The following UBR2 variants were observed in gnomAD, a reference collection of about 807,000 sequenced individuals.
The protein encoded by UBR2 is ubiquitin protein ligase E3 component n-recognin 2.
In UBR2, 92 loss-of-function variants were observed where a neutral mutation model predicts 247.9. The observed-to-expected ratio is 0.37, with a 90% CI of 0.31 to 0.44. The LOEUF (loss-of-function observed/expected upper bound fraction) is 0.44. UBR2 is among the 20% of genes least tolerant of loss of function. The pLI is 1.00. For missense variants in UBR2, 1,613 were observed against 2,112.6 expected, an observed-to-expected ratio of 0.76 and a Z score of 4.64; for synonymous variants, 672 against 693.5, an observed-to-expected ratio of 0.97 and a Z score of 0.49.
Position 42,659,671 on chromosome 6 carries a change from T to A in UBR2, c.3258T>A (p.Asp1086Glu), listed in dbSNP as rs370173010. 4 of 1,613,724 alleles carry A rather than the reference T, an allele frequency of 2.5e-6. No homozygotes were observed. The African/African-American group carries it at 5.3e-5, about 22-fold the overall frequency. ...AVLDHSPVAS[D>E]MTLTALGPAQ... ...TGTATTGCAGCCCTGTGGCTTCAGA[T>A]ATGACACTTACAGCACTGGGCCCCG... Residue 1086 changes from aspartate (D) to glutamate (E), a missense_variant, in exon 30 of 47, where the codon GAT (aspartate) becomes GAA (glutamate). Asp to Glu is a conservative substitution (Grantham distance 45). Around this residue, in one of 3 missense-constraint regions of UBR2, gnomAD observed 1,524 missense variants for 1,967.3 expected, o/e 0.77. Transcript: ENST00000372901. This position sits in a 1 kb window ranked among gnomAD's most constrained non-coding sequence, Gnocchi z 4.3.
intron 11 of UBR2, 29 bp downstream of exon 11, chr6:42,617,536 C>A (rs1387670175): frequency 2.6e-6 from 4 of 1,543,860 alleles, no homozygotes; most frequent in Middle Eastern, 1.7e-4. Context: ...GAAGAACTTT[C>A]TTGTTTTCCA....
Position 42,689,257 on chromosome 6 carries a change from G to A in UBR2, c.5025-312G>A, listed in dbSNP as rs144986326. 6.2e-4 allele frequency among the ~76,000 whole-genome samples: 95 copies of A among 152,256 alleles called. No individual in the cohort carries two copies. In the East Asian group the frequency reaches 0.017, roughly 28 times the overall value. On this transcript the variant is annotated intron_variant, in intron 45 of 46. Transcript: ENST00000372901. This position sits in a 1 kb window ranked among gnomAD's most constrained non-coding sequence, Gnocchi z 4.0. ...GAGTGTGGGCTCCTCTGGAGCATAG[G>A]TTGTATCCATAGCTTAGTCATCCCC...
chr6:42,652,300 GAT>G (rs2151967110), intron 24 of UBR2, among the ~76,000 whole-genome samples, 189 bp from the exon 25 acceptor site: 1 of 152,302 alleles, frequency 6.6e-6, no homozygotes, highest in South Asian at 2.1e-4. Context: ...TAGGGGAAAA[GAT>G]AGACTTTCTT....
chr6:42,616,153 C>T, intron 10 of UBR2, 63 bp downstream of exon 10: 1 of 1,142,578 alleles, frequency 8.8e-7, no homozygotes, highest in Non-Finnish European at 1.2e-6. Flanking sequence ...ATAATTATAT[C>T]TAGGCTTCAA....
In UBR2 at chr6:42,637,088, A is replaced by G; in HGVS notation, c.1752A>G (p.Glu584=). 6.2e-7 allele frequency: 1 copy of G among 1,614,180 alleles called. No individual in the cohort carries two copies. The change falls in exon 15 of 47, where the codon GAA becomes GAG. Residue 584 remains glutamate (E), a synonymous_variant. Transcript: ENST00000372901. ...MQCHGGYTDG[E]QPITLSICGH... The stretch of plus-strand genomic sequence containing the variant: ...GTCATGGTGGTTATACTGATGGTGA[A>G]CAGCCAATCACACTAAGCATTTGTG...
intron 2 of UBR2, among the ~76,000 whole-genome samples, chr6:42,587,952 GT>G (rs1486521765): frequency 3.3e-5 from 5 of 152,010 alleles, no homozygotes; most frequent in Non-Finnish European, 7.4e-5. Flanking sequence ...AGGTATGTGG[GT>G]TTTTTTACCC....
chr6:42,658,116 A>C lies in UBR2; in HGVS notation c.2965A>C (p.Ile989Leu). ...APYLEVHKDM[I>L]RWILKTFNAV... ...CTACCTAGAAGTCCACAAAGACATG[A>C]TTCGGTGGATATTGAAGGTAAAATT... The change falls in exon 27 of 47, where the codon ATT (isoleucine) becomes CTT (leucine). Residue 989 changes from isoleucine (I) to leucine (L), a missense_variant. Ile to Leu is a conservative substitution (Grantham distance 5). Around this residue, in one of 3 missense-constraint regions of UBR2, gnomAD observed 1,524 missense variants for 1,967.3 expected, o/e 0.77. Transcript: ENST00000372901. The C allele has an allele frequency of 6.2e-7, 1 of 1,614,050 alleles. No homozygotes were observed. The highest frequency in any genetic ancestry group is 8.5e-7 in the Non-Finnish European group (1 of 1,179,940).
intron 36 of UBR2, among the ~76,000 whole-genome samples, chr6:42,671,268 G>A (rs151079912): frequency 1.1e-4 from 17 of 152,038 alleles, no homozygotes; most frequent in Middle Eastern, 3.4e-3. Context: ...GGCTAGGAGT[G>A]GTGGCGTGGC....
chr6:42,687,001 G>A (rs1459690140), intron 44 of UBR2, among the ~76,000 whole-genome samples: 10 of 152,046 alleles, frequency 6.6e-5, no homozygotes, highest in African/African-American at 9.6e-5. Context: ...CTTCCTAGAC[G>A]GGATGACGGC....
chr6:42,595,500 C>T (rs949124337), intron 4 of UBR2, among the ~76,000 whole-genome samples: 1 of 152,146 alleles, frequency 6.6e-6, no homozygotes, highest in African/African-American at 2.4e-5. Context: ...AATACCAATA[C>T]TTTGGGAAGC....
chr6:42,603,575 T>C lies in UBR2; in HGVS notation c.532-13T>C. ...TTTTTTTCTTTTTCTTTTTTTTCTG[T>C]TGTTTCTTTCAGGATCCTCTTGTTC... is the stretch of plus-strand genomic sequence containing the variant. On this transcript the variant is annotated splice_polypyrimidine_tract_variant and intron_variant, in intron 4 of 46. Transcript: ENST00000372901. 1.3e-6 allele frequency: 2 copies of C among 1,546,010 alleles called. No homozygotes were observed. Among genetic ancestry groups the C allele is most frequent in the Non-Finnish European group, 1.7e-6 (2 of 1,159,194 alleles).
intron 23 of UBR2, among the ~76,000 whole-genome samples, chr6:42,651,027 G>T (rs1320052567): frequency 6.6e-6 from 1 of 152,028 alleles, no homozygotes; most frequent in Non-Finnish European, 1.5e-5. Context: ...TTCGAGATCA[G>T]CCTGGCCAAC....
chr6:42,635,686 C>T, intron 14 of UBR2, 140 bp downstream of exon 14: 1 of 1,017,364 alleles, frequency 9.8e-7, no homozygotes, highest in South Asian at 2.7e-5. Context: ...CCTTCTCCAC[C>T]TATAAACTCA....
rs762436980 is a variant in UBR2, at chr6:42,644,198, T to TAA, written c.2098-3_2098-2dup. 7.2e-4 allele frequency: 1,013 copies of TAA among 1,404,014 alleles called. No homozygotes were observed. The highest frequency in any genetic ancestry group is 2.1e-3 in the Admixed American group (93 of 45,194). The allele number at this position is 1,404,014 out of a possible 1,614,324, so 87.0% of individuals were successfully genotyped here. A position where few individuals can be genotyped will look rare whatever the true frequency, so the allele number is the denominator to read the frequency against. On this transcript the variant is annotated splice_polypyrimidine_tract_variant and intron_variant, in intron 18 of 46. Transcript: ENST00000372901. ...TCCTCTTTTCCTTTATCTCAAACATTAAAAAAAAAAAAAAGACAGGTGTCT... is the reference window on the plus strand; with the variant it reads ...TCCTCTTTTCCTTTATCTCAAACATTAAAAAAAAAAAAAAAAGACAGGTGTCT...
At chr6:42,685,488 C>T (rs1170461777) in intron 44 of UBR2, among the ~76,000 whole-genome samples, 1 of 143,546 alleles carries the variant, frequency 7.0e-6, no homozygotes, top group African/African-American at 2.6e-5. Context: ...TTTTTTGAGA[C>T]GAGTCTCGCT....
chr6:42,653,624 T>G (rs1411242173), intron 25 of UBR2, among the ~76,000 whole-genome samples: 4 of 139,590 alleles, frequency 2.9e-5, no homozygotes, highest in African/African-American at 1.1e-4. Context: ...TTTTTTTTTT[T>G]TTTTTTTTTT....
At chr6:42,641,057 T>TA (rs1796417038) in intron 16 of UBR2, among the ~76,000 whole-genome samples, 1 of 152,156 alleles carries the variant, frequency 6.6e-6, no homozygotes, top group Admixed American at 6.5e-5. Flanking sequence ...TAATCATGTG[T>TA]AAAAAATACC....
rs1799281397 is a variant in UBR2 at position 42,684,816 on chromosome 6, T to C, written c.4798T>C (p.Leu1600=). The C allele has an allele frequency of 1.1e-5, 18 of 1,610,046 alleles. No homozygotes were observed. The highest frequency in any genetic ancestry group is 1.4e-5 in the Non-Finnish European group (17 of 1,178,276). ...AIRYPRESNK[L]INLPEDYSSL... is the part of the protein sequence containing the mutation. ...CAGATATCCAAGAGAATCTAACAAA[T>C]TAATAAACCTTCCAGAGGATTACAG... The change falls in exon 44 of 47, where the codon TTA becomes CTA. Residue 1600 remains leucine (L), a synonymous_variant. Coordinates refer to ENST00000372901, the MANE Select transcript of UBR2 (RefSeq NM_001363705.2).
intron 13 of UBR2, chr6:42,634,316 T>C: frequency 2.5e-6 from 1 of 398,210 alleles, no homozygotes; most frequent in Non-Finnish European, 4.9e-6. Context: ...CAGTTATAAC[T>C]GTAAGAAGAT....
Sources: gnomAD v4.1 joint callset for allele counts (sites outside exome capture counted in the v4.1 genomes callset) on GRCh38, gnomAD v4.1.1 for gene constraint, gnomAD v4.1.1 regional missense constraint, Gnocchi (gnomAD v3.1) non-coding constraint, MANE v1.5 for transcripts, NCBI Gene and HGNC (gene_info 2026-07-23, HGNC 2026-07-21) for gene names.